The following GALNT13 variants were observed in gnomAD, a reference collection of about 807,000 sequenced individuals.
GALNT13 encodes polypeptide N-acetylgalactosaminyltransferase 13.
A neutral mutation model predicts 64.2 loss-of-function variants in GALNT13; 28 were observed. That is an observed-to-expected ratio of 0.44 (90% CI 0.32 to 0.60). The LOEUF (loss-of-function observed/expected upper bound fraction) is 0.60. Among genes scored for constraint, GALNT13 ranks in the 20% least tolerant of loss-of-function variants. The pLI, the probability that GALNT13 is intolerant of heterozygous loss-of-function variation, is 0.05. For missense variants in GALNT13, 577 were observed against 669.8 expected (o/e 0.86, Z 1.53); for synonymous variants, 214 against 224.6 (o/e 0.95, Z 0.42).
chr2:154,392,272 T>G (rs1698832297), intron 9 of GALNT13, among the ~76,000 whole-genome samples: 1 of 152,042 alleles, frequency 6.6e-6, no homozygotes, highest in African/African-American at 2.4e-5. Flanking sequence ...CTCAAATTCA[T>G]CTCTTCAACT....
chr2:153,830,302 G>A, the GALNT13 span, among the ~76,000 whole-genome samples: 1 of 151,996 alleles, frequency 6.6e-6, no homozygotes, highest in Non-Finnish European at 1.5e-5. Context: ...TTATTATTAT[G>A]AAGACATTGA....
intron 3 of GALNT13, among the ~76,000 whole-genome samples, chr2:153,951,646 T>C (rs1416229118): frequency 6.6e-6 from 1 of 152,104 alleles, no homozygotes; most frequent in Non-Finnish European, 1.5e-5. Flanking sequence ...GGAGATGATT[T>C]GAGGGTGGAC....
intron 3 of GALNT13, among the ~76,000 whole-genome samples, chr2:154,078,754 A>G (rs1701117583): frequency 6.6e-6 from 1 of 151,614 alleles, no homozygotes; most frequent in South Asian, 2.1e-4. Flanking sequence ...TAATTACTGA[A>G]CATATGTTTG....
chr2:154,183,712 A>G (rs994104863), intron 4 of GALNT13, among the ~76,000 whole-genome samples: 5 of 152,138 alleles, frequency 3.3e-5, no homozygotes, highest in South Asian at 4.1e-4. Flanking sequence ...ACCCTGTCTC[A>G]AACAAACAAA....
the GALNT13 span, among the ~76,000 whole-genome samples, chr2:153,862,844 A>C: frequency 6.6e-6 from 1 of 152,086 alleles, no homozygotes; most frequent in Non-Finnish European, 1.5e-5. Flanking sequence ...GCTTATATTT[A>C]ATCTGTACTA....
intron 1 of GALNT13, among the ~76,000 whole-genome samples, chr2:153,891,912 C>T (rs148780177): frequency 6.6e-6 from 1 of 151,946 alleles, no homozygotes; most frequent in Non-Finnish European, 1.5e-5. Flanking sequence ...TCTCTGTTAC[C>T]TGGACTTATC....
chr2:153,573,671 T>G, the GALNT13 span, among the ~76,000 whole-genome samples: 1 of 152,052 alleles, frequency 6.6e-6, no homozygotes, highest in Non-Finnish European at 1.5e-5. Flanking sequence ...ATTTTAACCT[T>G]GTGACAACTT....
the GALNT13 span, among the ~76,000 whole-genome samples, chr2:153,462,295 C>T: frequency 6.6e-6 from 1 of 151,944 alleles, no homozygotes; most frequent in African/African-American, 2.4e-5. Context: ...TTATTAACTA[C>T]AGTAATCATT....
the GALNT13 span, among the ~76,000 whole-genome samples, chr2:153,719,420 C>G: frequency 6.6e-6 from 1 of 152,158 alleles, no homozygotes; most frequent in Non-Finnish European, 1.5e-5. Context: ...CATATTTGTT[C>G]AAAGTCCCTT....
intron 4 of GALNT13, among the ~76,000 whole-genome samples, chr2:154,201,144 G>A (rs913675073): frequency 7.2e-5 from 11 of 152,110 alleles, no homozygotes; most frequent in African/African-American, 2.7e-4. Flanking sequence ...TGAAGAAATT[G>A]TGGTCAGCCT....
intron 11 of GALNT13, chr2:154,437,865 A>G (rs1475044699): frequency 3.2e-5 from 7 of 221,916 alleles, no homozygotes; most frequent in African/African-American, 4.7e-5. Context: ...AAAAAAAAAA[A>G]AAAAAACCCT....
chr2:153,424,709 A>G, the GALNT13 span, among the ~76,000 whole-genome samples: 1 of 151,852 alleles, frequency 6.6e-6, no homozygotes, highest in Non-Finnish European at 1.5e-5. Flanking sequence ...GTTTGGAAGA[A>G]CTTGTCATAC....
chr2:154,448,905 G>T (rs1380087008), intron 12 of GALNT13, among the ~76,000 whole-genome samples: 1 of 151,944 alleles, frequency 6.6e-6, no homozygotes, highest in Non-Finnish European at 1.5e-5. Context: ...GTATGCAATG[G>T]TAAGTGATAT....
chr2:153,823,615 A>G, the GALNT13 span, among the ~76,000 whole-genome samples: 1 of 152,220 alleles, frequency 6.6e-6, no homozygotes, highest in Non-Finnish European at 1.5e-5. Context: ...TACATAAATT[A>G]ACAAAATATG....
At chr2:153,357,599 A>G in the GALNT13 span, among the ~76,000 whole-genome samples, 1 of 152,160 alleles carries the variant, frequency 6.6e-6, no homozygotes, top group Admixed American at 6.5e-5. Flanking sequence ...GACAATTGTA[A>G]AGCTTGCCTA....
chr2:153,731,709 A>T, the GALNT13 span, among the ~76,000 whole-genome samples: 25 of 151,980 alleles, frequency 1.6e-4, no homozygotes, highest in Non-Finnish European at 3.4e-4. Flanking sequence ...CTAAGGTTTC[A>T]AGCGAAAAAT....
the GALNT13 span, among the ~76,000 whole-genome samples, chr2:153,843,256 C>T: frequency 1.1e-4 from 16 of 152,256 alleles, no homozygotes; most frequent in Admixed American, 1.0e-3. Flanking sequence ...CCTGAGGAAG[C>T]TTACAATAAT....
chr2:153,980,720 G>A (rs1694404897), intron 3 of GALNT13, among the ~76,000 whole-genome samples: 1 of 151,994 alleles, frequency 6.6e-6, no homozygotes, highest in South Asian at 2.1e-4. Context: ...ACAGATGAAT[G>A]GAAAAACTTC....
chr2:153,725,431 A>G, the GALNT13 span, among the ~76,000 whole-genome samples: 1 of 151,184 alleles, frequency 6.6e-6, no homozygotes, highest in African/African-American at 2.4e-5. Context: ...CAATGTGCAC[A>G]TGTACCCTAA....
Sources: allele counts gnomAD v4.1 joint callset (sites outside exome capture counted in the v4.1 genomes callset), GRCh38; gene constraint gnomAD v4.1.1; transcripts MANE v1.5; gene names NCBI Gene and HGNC (gene_info 2026-07-23, HGNC 2026-07-21).